HSD17B11: variants seen among roughly 807,000 people sequenced by gnomAD.
The protein encoded by HSD17B11 is hydroxysteroid 17-beta dehydrogenase 11.
A neutral mutation model predicts 27.8 loss-of-function variants in HSD17B11; 22 were observed. The ratio of observed to expected loss-of-function variants is 0.79; its 90% confidence interval spans 0.56 to 1.13. HSD17B11 has a LOEUF of 1.13. HSD17B11 is among the 50% of genes most tolerant of loss of function. The pLI, the probability that HSD17B11 is intolerant of heterozygous loss-of-function variation, is 0.00. For synonymous variants in HSD17B11, 117 were observed against 132.8 expected, an observed-to-expected ratio of 0.88 and a Z score of 0.82; for missense variants, 314 against 351.1, an observed-to-expected ratio of 0.89 and a Z score of 0.84.
In HSD17B11 at chr4:87,339,112, G is replaced by C. The variant is rs142569674; in HGVS notation, c.812+1378C>G. Among the ~76,000 whole-genome samples the C allele has an allele frequency of 4.3e-3, 660 of 152,234 alleles. 4 individuals are homozygous for C. Among genetic ancestry groups the C allele is most frequent in the African/African-American group, 0.015 (624 of 41,544 alleles). On this transcript the variant is annotated intron_variant, in intron 6 of 6. Coordinates refer to ENST00000358290, the MANE Select transcript of HSD17B11 (RefSeq NM_016245.5). ...TGTCAGTCACTCTTCAAAATGCAGA[G>C]CATACAGTGATGAAAACTAGGCAAA...
chr4:87,383,650 G>A (rs80025947), intron 1 of HSD17B11, among the ~76,000 whole-genome samples: 5,241 of 152,022 alleles, frequency 0.034, 335 homozygotes, highest in African/African-American at 0.12. Context: ...CCAATTTGGG[G>A]CGCCAATTTT....
At chr4:87,338,474 AGTT>A (rs1560756587) in intron 6 of HSD17B11, among the ~76,000 whole-genome samples, 1 of 152,238 alleles carries the variant, frequency 6.6e-6, no homozygotes, top group Admixed American at 6.5e-5. Flanking sequence ...TAATAGTAGT[AGTT>A]ATAATAACAG....
intron 4 of HSD17B11, among the ~76,000 whole-genome samples, chr4:87,362,981 A>G (rs1480653039): frequency 6.6e-6 from 1 of 152,148 alleles, no homozygotes; most frequent in African/African-American, 2.4e-5. Flanking sequence ...CCACATGTTG[A>G]AATTCCAAGT....
At chr4:87,370,743 A>ATT (rs1398178505) in intron 4 of HSD17B11, among the ~76,000 whole-genome samples, 9 of 6,264 alleles carry the variant, frequency 1.4e-3, no homozygotes, top group African/African-American at 0.013. Flanking sequence ...TATTATTATT[A>ATT]TTATTATTAT....
intron 2 of HSD17B11, among the ~76,000 whole-genome samples, chr4:87,375,296 C>G (rs1339840752): frequency 6.6e-6 from 1 of 152,162 alleles, no homozygotes; most frequent in South Asian, 2.1e-4. Flanking sequence ...ATTTTATGCA[C>G]TTATGTCCAA....
chr4:87,378,002 G>C (rs903792005), intron 2 of HSD17B11, among the ~76,000 whole-genome samples: 17 of 152,134 alleles, frequency 1.1e-4, no homozygotes, highest in Non-Finnish European at 1.5e-5. Context: ...GCTATTAAAA[G>C]ATGGAGCTGG....
chr4:87,346,414 C>A (rs11930151), intron 5 of HSD17B11, among the ~76,000 whole-genome samples: 25,990 of 152,048 alleles, frequency 0.17, 2,394 homozygotes, highest in African/African-American at 0.23. Flanking sequence ...TTTGGGAGGC[C>A]GAGGCAGGCG....
intron 4 of HSD17B11, among the ~76,000 whole-genome samples, chr4:87,362,108 T>C (rs1735528057): frequency 6.6e-6 from 1 of 152,192 alleles, no homozygotes; most frequent in African/African-American, 2.4e-5. Context: ...AGGCCCAACT[T>C]AGGGGAGTTA....
At chr4:87,357,904 T>C (rs1735416284) in intron 4 of HSD17B11, among the ~76,000 whole-genome samples, 1 of 151,018 alleles carries the variant, frequency 6.6e-6, no homozygotes, top group Non-Finnish European at 1.5e-5. Context: ...CAGTTTTCTA[T>C]GATAGTATCT....
At chr4:87,385,445 T>G (rs1050105546) in intron 1 of HSD17B11, among the ~76,000 whole-genome samples, 3 of 152,098 alleles carry the variant, frequency 2.0e-5, no homozygotes, top group Non-Finnish European at 4.4e-5. Flanking sequence ...GGAGATATAT[T>G]GTTTTAATGG....
chr4:87,384,739 C>T (rs1480981539), intron 1 of HSD17B11, among the ~76,000 whole-genome samples: 3 of 147,458 alleles, frequency 2.0e-5, no homozygotes, highest in Admixed American at 2.0e-4. Context: ...TGCTCTCGAA[C>T]CCTGTTTTCT....
rs1397857682 is a variant in HSD17B11 at position 87,357,262 on chromosome 4, T to G, written c.695+17A>C. The G allele has an allele frequency of 1.9e-6, 3 of 1,608,010 alleles. No individual in the cohort carries two copies. Among genetic ancestry groups the G allele is most frequent in the Non-Finnish European group, 2.5e-6 (3 of 1,178,092 alleles). ...CATAGCAACCACCAATCCTTTTGTC[T>G]CAATTTCTCAACTTACCTTGTACTT... is the stretch of plus-strand genomic sequence containing the variant. On this transcript the variant is annotated intron_variant, in intron 5 of 6. Coordinates refer to ENST00000358290, the MANE Select transcript of HSD17B11 (RefSeq NM_016245.5).
intron 4 of HSD17B11, among the ~76,000 whole-genome samples, chr4:87,357,859 CAGTCT>C (rs1428541984): frequency 1.3e-5 from 2 of 151,378 alleles, no homozygotes; most frequent in Non-Finnish European, 2.9e-5. Context: ...TCCTAACCCC[CAGTCT>C]AAATTATTTT....
chr4:87,378,392 G>T (rs897497945), intron 2 of HSD17B11, among the ~76,000 whole-genome samples: 1 of 152,052 alleles, frequency 6.6e-6, no homozygotes, highest in Non-Finnish European at 1.5e-5. Context: ...GGTTACATGA[G>T]ACATTTTGAT....
At chr4:87,380,863 C>CAAAAAAAAAAAAAAAAAAA (rs561938045) in intron 2 of HSD17B11, among the ~76,000 whole-genome samples, 5 of 74,730 alleles carry the variant, frequency 6.7e-5, no homozygotes, top group Non-Finnish European at 7.2e-5. Context: ...GACTCTATCT[C>CAAAAAAAAAAAAAAAAAAA]AAAAAAAAAA....
At chr4:87,341,335 C>T (rs1735163204) in intron 5 of HSD17B11, among the ~76,000 whole-genome samples, 1 of 152,056 alleles carries the variant, frequency 6.6e-6, no homozygotes, top group Non-Finnish European at 1.5e-5. Context: ...CCACTCCAGG[C>T]TATTTTTTGT....
intron 6 of HSD17B11, 132 bp from the exon 7 acceptor site, chr4:87,337,498 C>T: frequency 1.7e-6 from 1 of 602,902 alleles, no homozygotes; most frequent in South Asian, 2.2e-5. Flanking sequence ...CATCTTAAAT[C>T]TGAGTCACTA....
chr4:87,377,355 C>G (rs1735849834), intron 2 of HSD17B11, among the ~76,000 whole-genome samples: 1 of 149,596 alleles, frequency 6.7e-6, no homozygotes, highest in East Asian at 2.0e-4. Flanking sequence ...GAGGCTGAGG[C>G]AGGAGAATCG....
intron 4 of HSD17B11, among the ~76,000 whole-genome samples, chr4:87,359,792 G>A (rs1735470948): frequency 6.6e-6 from 1 of 152,144 alleles, no homozygotes; most frequent in Non-Finnish European, 1.5e-5. Context: ...AAAACAAAGT[G>A]GCAGAATCAG....
Sources: allele counts gnomAD v4.1 joint callset (sites outside exome capture counted in the v4.1 genomes callset), GRCh38; gene constraint gnomAD v4.1.1; transcripts MANE v1.5; gene names NCBI Gene and HGNC (gene_info 2026-07-23, HGNC 2026-07-21).